Variants in BEND3 observed in about 807,000 individuals in gnomAD.
BEND3 encodes the protein BEN domain containing 3.
BEND3 carries 13 observed loss-of-function variants against 60.1 expected under a neutral mutation model. The ratio of observed to expected loss-of-function variants is 0.22; its 90% CI spans 0.14 to 0.34. BEND3 has a LOEUF of 0.34. BEND3 is among the 10% of genes least tolerant of loss of function. The pLI is 1.00. For synonymous variants in BEND3, 497 were observed against 491.5 expected, an observed-to-expected ratio of 1.01 and a Z score of -0.15; for missense variants, 896 against 1,138.1, an observed-to-expected ratio of 0.79 and a Z score of 3.06.
intron 3 of BEND3, among the ~76,000 whole-genome samples, chr6:107,094,212 A>C (rs940868104): frequency 6.6e-6 from 1 of 152,034 alleles, no homozygotes; most frequent in Non-Finnish European, 1.5e-5. Flanking sequence ...TCTCTATAAA[A>C]TAAAAATTAA....
intron 1 of BEND3, among the ~76,000 whole-genome samples, chr6:107,112,884 C>A (rs1474518156): frequency 6.6e-6 from 1 of 150,764 alleles, no homozygotes; most frequent in Non-Finnish European, 1.5e-5. Flanking sequence ...AAAGGCTGGG[C>A]GCGGTGGCTC....
intron 1 of BEND3, among the ~76,000 whole-genome samples, chr6:107,110,156 AG>A (rs2115040113): frequency 6.6e-6 from 1 of 152,336 alleles, no homozygotes; most frequent in South Asian, 2.1e-4. Flanking sequence ...CAACACAGCC[AG>A]ACTCTGTCTT....
chr6:107,080,154 T>G (rs1336518697), intron 3 of BEND3, among the ~76,000 whole-genome samples: 2 of 151,614 alleles, frequency 1.3e-5, no homozygotes, highest in Non-Finnish European at 2.9e-5. Context: ...CCCGGCACTT[T>G]CGGAGGCCAA....
chr6:107,110,770 G>C (rs1775925478), intron 1 of BEND3, among the ~76,000 whole-genome samples: 1 of 151,996 alleles, frequency 6.6e-6, no homozygotes, highest in Admixed American at 6.5e-5. Flanking sequence ...GGCCAGGCTG[G>C]TCTGCAACTC....
intron 3 of BEND3, among the ~76,000 whole-genome samples, chr6:107,087,769 C>A (rs1304624827): frequency 4.1e-5 from 6 of 145,284 alleles, no homozygotes; most frequent in Non-Finnish European, 7.5e-5. Context: ...AACAGATGGT[C>A]AATGGACACA....
At chr6:107,100,266 C>T (rs1191463283) in intron 1 of BEND3, among the ~76,000 whole-genome samples, 9 of 152,010 alleles carry the variant, frequency 5.9e-5, no homozygotes, top group African/African-American at 1.7e-4. Flanking sequence ...GTTTATGAAA[C>T]GGAATCTTGC....
chr6:107,065,875 A>C lies in BEND3; in HGVS notation c.*2829T>G, dbSNP rs1774816747. On this transcript the variant is annotated 3_prime_UTR_variant, in exon 4 of 4. Transcript: ENST00000369042. ...GGGGCACGCTAGCGCAAATGACACC[A>C]GACACGACTTTATTCCCTGTCAAAC... 1 of 152,348 alleles carries C rather than the reference A, an allele frequency of 6.6e-6. No homozygotes were observed. Among genetic ancestry groups the C allele is most frequent in the African/African-American group, 2.4e-5 (1 of 41,452 alleles). The allele number at this position is 152,348 out of a possible 1,614,324, so 9.4% of individuals were successfully genotyped here.
chr6:107,068,878 T>C lies in BEND3; in HGVS notation c.2313A>G (p.Gln771=). The C allele has an allele frequency of 1.9e-6, 3 of 1,613,382 alleles. No individual in the cohort carries two copies. Among genetic ancestry groups the C allele is most frequent in the Non-Finnish European group, 2.5e-6 (3 of 1,179,820 alleles). Residue 771 remains glutamine (Q), a synonymous_variant, in exon 4 of 4, where the codon CAA becomes CAG. Transcript: ENST00000369042. This position sits in a 1 kb window ranked among gnomAD's most constrained non-coding sequence, Gnocchi z 5.8. The part of the protein sequence containing the change: ...YNHSGACNKK[Q]LDPTRLRLIR... ...TGAGCCGCAGCCGCGTGGGGTCCAG[T>C]TGCTTCTTGTTGCAAGCCCCGGAAT...
At chr6:107,082,385 C>A (rs555977874) in intron 3 of BEND3, among the ~76,000 whole-genome samples, 6 of 152,184 alleles carry the variant, frequency 3.9e-5, no homozygotes, top group Non-Finnish European at 7.4e-5. Context: ...AAATCAGAAC[C>A]ACCAGCTGGT....
intron 3 of BEND3, among the ~76,000 whole-genome samples, chr6:107,078,726 C>A (rs1300023553): frequency 1.3e-5 from 2 of 151,126 alleles, no homozygotes; most frequent in East Asian, 4.0e-4. Flanking sequence ...GCAGTGTCAC[C>A]CCTCATGACG....
intron 3 of BEND3, among the ~76,000 whole-genome samples, chr6:107,089,324 T>C (rs1775422526): frequency 6.6e-6 from 1 of 152,070 alleles, no homozygotes; most frequent in African/African-American, 2.4e-5. Flanking sequence ...TTCTCACACC[T>C]GTAATCCCAG....
rs1423265080 is a variant in BEND3 at position 107,066,762 on chromosome 6, G to C, written c.*1942C>G. 6.6e-6 allele frequency: 1 copy of C among 152,658 alleles called. No homozygotes were observed. The highest frequency in any genetic ancestry group is 1.5e-5 in the Non-Finnish European group (1 of 68,068). The allele number at this position is 152,658 out of a possible 1,614,324, so 9.5% of individuals were successfully genotyped here. A position where few individuals can be genotyped will look rare whatever the true frequency, so the allele number is the denominator to read the frequency against. ...AGAGGGCCACAGCTGTCTTTGGGTA[G>C]GGTGCGTGTGTGTGCATGCTGTGTG... On this transcript the variant is annotated 3_prime_UTR_variant, in exon 4 of 4. Transcript: ENST00000369042.
intron 3 of BEND3, among the ~76,000 whole-genome samples, chr6:107,089,780 A>C (rs1416550755): frequency 6.6e-6 from 1 of 150,486 alleles, no homozygotes; most frequent in Non-Finnish European, 1.5e-5. Context: ...TTTTTAGTAG[A>C]GATGGGGTTT....
chr6:107,097,542 G>A (rs1554236139), intron 3 of BEND3, among the ~76,000 whole-genome samples: 1 of 150,662 alleles, frequency 6.6e-6, no homozygotes, highest in Non-Finnish European at 1.5e-5. Flanking sequence ...TGTAATCCCA[G>A]CACTTTGGGA....
rs1770249673 is a variant in BEND3 at position 107,115,421 on chromosome 6, G to A, written c.-343C>T. Among the ~76,000 whole-genome samples, 1 of 148,458 alleles carries A rather than the reference G, an allele frequency of 6.7e-6. No homozygotes were observed. ...CCCTCAGCGGGGCACACGCGGGACC[G>A]GCGGCGGCGGCGCTCGGGCGTGAAC... On this transcript the variant is annotated 5_prime_UTR_variant, in exon 1 of 4. Transcript: ENST00000369042.
intron 3 of BEND3, among the ~76,000 whole-genome samples, chr6:107,087,431 C>A (rs1775376337): frequency 6.6e-6 from 1 of 152,100 alleles, no homozygotes; most frequent in Admixed American, 6.6e-5. Context: ...ATTAATATGC[C>A]AAGGACTCTA....
intron 1 of BEND3, among the ~76,000 whole-genome samples, chr6:107,114,831 C>T (rs1770228444): frequency 6.7e-6 from 1 of 148,450 alleles, no homozygotes; most frequent in Admixed American, 6.7e-5. Context: ...CCGCCGCGTT[C>T]CGAGCGGGCA....
chr6:107,110,167 T>C (rs1775911753), intron 1 of BEND3, among the ~76,000 whole-genome samples: 1 of 152,192 alleles, frequency 6.6e-6, no homozygotes, highest in Admixed American at 6.5e-5. Flanking sequence ...GACTCTGTCT[T>C]ACAAAAACTG....
chr6:107,069,505 GC>G lies in BEND3; in HGVS notation c.1685del (p.Ser562ThrfsTer109). On this transcript the variant is annotated frameshift_variant, in exon 4 of 4. Transcript: ENST00000369042. LOFTEE classifies it high-confidence loss of function. ...DCLLSKEQLR[S>X]IYESSLSIGN... ...CGATGGACAGGCTGCTCTCGTAGATGCTGCGTAGCTGCTCCTTGCTGAGCAG... is the reference window on the plus strand; with the variant it reads ...CGATGGACAGGCTGCTCTCGTAGATGTGCGTAGCTGCTCCTTGCTGAGCAG... 6.2e-7 allele frequency: 1 copy of G among 1,613,108 alleles called. No homozygotes were observed. The highest frequency in any genetic ancestry group is 8.5e-7 in the Non-Finnish European group (1 of 1,180,032).
Sources: allele counts gnomAD v4.1 joint callset (sites outside exome capture counted in the v4.1 genomes callset), GRCh38; gene constraint gnomAD v4.1.1; non-coding constraint Gnocchi (gnomAD v3.1); transcripts MANE v1.5; gene names NCBI Gene and HGNC (gene_info 2026-07-23, HGNC 2026-07-21).